ACSS3: variants seen among roughly 807,000 people sequenced by gnomAD.
The protein encoded by ACSS3 is acyl-CoA synthetase short chain family member 3.
ACSS3 carries 64 observed loss-of-function variants against 84.2 expected under a neutral mutation model. The observed-to-expected ratio is 0.76, with a 90% CI of 0.62 to 0.94. The LOEUF is 0.94. ACSS3 is among the 40% of genes least tolerant of loss of function. ACSS3 has a pLI of 0.00. For missense variants in ACSS3, 815 were observed against 867.6 expected, an observed-to-expected ratio of 0.94 and a Z score of 0.76; for synonymous variants, 317 against 310.1, an observed-to-expected ratio of 1.02 and a Z score of -0.23.
chr12:81,135,109 C>T (rs1048025964), intron 3 of ACSS3, 105 bp downstream of exon 3: 55 of 946,348 alleles, frequency 5.8e-5, no homozygotes, highest in Non-Finnish European at 7.1e-5. Flanking sequence ...TAGATCCTCC[C>T]TTCAAATAGG....
At chr12:81,148,897 TAA>T (rs397851051) in intron 5 of ACSS3, among the ~76,000 whole-genome samples, 3 of 81,820 alleles carry the variant, frequency 3.7e-5, no homozygotes, top group Admixed American at 1.6e-4. Flanking sequence ...CTGCCTCTAC[TAA>T]AAAAAAAAAA....
At chr12:81,235,245 T>C (rs1486446982) in intron 13 of ACSS3, among the ~76,000 whole-genome samples, 1 of 151,384 alleles carries the variant, frequency 6.6e-6, no homozygotes, top group Non-Finnish European at 1.5e-5. Context: ...GGAGTGGGTC[T>C]GTTTCTAGAA....
intron 1 of ACSS3, among the ~76,000 whole-genome samples, chr12:81,084,885 G>A (rs750842225): frequency 6.6e-6 from 1 of 152,184 alleles, no homozygotes; most frequent in Non-Finnish European, 1.5e-5. Context: ...GGTGAGATAA[G>A]GGCCAAAGCC....
chr12:81,099,669 G>T (rs1217004340), intron 1 of ACSS3, among the ~76,000 whole-genome samples: 1 of 152,118 alleles, frequency 6.6e-6, no homozygotes, highest in Non-Finnish European at 1.5e-5. Context: ...CAGATTAAAA[G>T]CTGTCCGTTA....
intron 2 of ACSS3, among the ~76,000 whole-genome samples, chr12:81,133,308 C>A (rs1244132576): frequency 6.6e-6 from 1 of 152,080 alleles, no homozygotes; most frequent in Non-Finnish European, 1.5e-5. Flanking sequence ...AATTTCTTCT[C>A]CCAAGCCTCC....
At chr12:81,157,594 G>T (rs935940199) in intron 7 of ACSS3, among the ~76,000 whole-genome samples, 1 of 152,252 alleles carries the variant, frequency 6.6e-6, no homozygotes, top group African/African-American at 2.4e-5. Flanking sequence ...AGATCATGAG[G>T]TCAGGAGTTC....
At chr12:81,200,421 G>A (rs1026127898) in intron 9 of ACSS3, among the ~76,000 whole-genome samples, 39 of 151,914 alleles carry the variant, frequency 2.6e-4, no homozygotes, top group Admixed American at 6.6e-5. Flanking sequence ...ATCAAATTTG[G>A]GTTAAAAATT....
intron 8 of ACSS3, among the ~76,000 whole-genome samples, chr12:81,178,484 AC>A (rs2030665708): frequency 6.6e-6 from 1 of 151,684 alleles, no homozygotes; most frequent in Non-Finnish European, 1.5e-5. Context: ...ATAAAAAAAA[AC>A]ATTTCTATAC....
Position 81,258,802 on chromosome 12 carries a change from T to C in ACSS3, c.*3880T>C. The C allele has an allele frequency of 6.6e-6, 1 of 152,134 alleles. No homozygotes were observed. The allele number at this position is 152,134 out of a possible 1,614,324, so 9.4% of individuals were successfully genotyped here. A position where few individuals can be genotyped will look rare whatever the true frequency, so the allele number is the denominator to read the frequency against. ...GTGGTTGACATTCACTGTCCAGTAC[T>C]GGCTGGCATTTCAAGATATTTGAAT... On this transcript the variant is annotated 3_prime_UTR_variant, in exon 16 of 16. Transcript: ENST00000548058.
At chr12:81,088,429 G>A (rs1452639876) in intron 1 of ACSS3, among the ~76,000 whole-genome samples, 1 of 151,948 alleles carries the variant, frequency 6.6e-6, no homozygotes. Context: ...ACATTGTCAG[G>A]TATATCATAA....
intron 13 of ACSS3, among the ~76,000 whole-genome samples, chr12:81,246,917 T>A (rs1296586320): frequency 6.6e-6 from 1 of 152,178 alleles, no homozygotes; most frequent in Non-Finnish European, 1.5e-5. Context: ...AACGTGCTTA[T>A]GTACCCCCGA....
Position 81,257,277 on chromosome 12 carries a change from A to ATGT in ACSS3, c.*2360_*2362dup, listed in dbSNP as rs1237185912. On this transcript the variant is annotated 3_prime_UTR_variant, in exon 16 of 16. Coordinates refer to ENST00000548058, the MANE Select transcript of ACSS3 (RefSeq NM_024560.4). ...CACTGGGGAATTGCAAGATCAAAGA[A>ATGT]TGTTGTTACTTTTATGTGATGAAAA... 1 of 152,174 alleles carries ATGT rather than the reference A, an allele frequency of 6.6e-6. No individual in the cohort carries two copies. Among genetic ancestry groups the ATGT allele is most frequent in the Non-Finnish European group, 1.5e-5 (1 of 68,040 alleles). The allele number at this position is 152,174 out of a possible 1,614,324, so 9.4% of individuals were successfully genotyped here.
chr12:81,235,954 C>CT (rs2033617473), intron 13 of ACSS3, among the ~76,000 whole-genome samples: 1 of 151,202 alleles, frequency 6.6e-6, no homozygotes, highest in Non-Finnish European at 1.5e-5. Context: ...AATCTGAATG[C>CT]TTTTTTTGGT....
chr12:81,213,957 C>CTCTTTCTTTCTCTTTCTT (rs2032783435), intron 9 of ACSS3, among the ~76,000 whole-genome samples: 2 of 49,112 alleles, frequency 4.1e-5, no homozygotes, highest in East Asian at 8.8e-4. Context: ...CTCCCTCTCT[C>CTCTTTCTTTCTCTTTCTT]TCTTTCTTTC....
Position 81,130,195 on chromosome 12 carries a change from C to T in ACSS3, c.457-4621C>T, listed in dbSNP as rs370584323. On this transcript the variant is annotated intron_variant, in intron 2 of 15. Transcript: ENST00000548058. ...TTCTAGTTCTAGATCCTTGAGGAATCGCCACACTGTCTTCCACAATGGTTG... is the reference window on the plus strand; with the variant it reads ...TTCTAGTTCTAGATCCTTGAGGAATTGCCACACTGTCTTCCACAATGGTTG... Among the ~76,000 whole-genome samples the T allele has an allele frequency of 7.1e-4, 106 of 148,676 alleles. 1 individual carries two copies. The highest frequency in any genetic ancestry group is 2.2e-3 in the African/African-American group (88 of 40,578).
At chr12:81,177,359 G>A (rs906947024) in intron 8 of ACSS3, among the ~76,000 whole-genome samples, 8 of 152,100 alleles carry the variant, frequency 5.3e-5, no homozygotes, top group Admixed American at 5.2e-4. Flanking sequence ...AAGGAAAAGA[G>A]GAAGTCAAAC....
intron 2 of ACSS3, among the ~76,000 whole-genome samples, chr12:81,120,152 A>T (rs932395263): frequency 2.6e-5 from 4 of 152,192 alleles, no homozygotes; most frequent in African/African-American, 2.4e-5. Flanking sequence ...CAAGAGGTGG[A>T]TTTGACATAG....
chr12:81,087,881 A>G (rs1881422115), intron 1 of ACSS3, among the ~76,000 whole-genome samples: 1 of 152,122 alleles, frequency 6.6e-6, no homozygotes, highest in South Asian at 2.1e-4. Context: ...AGTGGAGAAA[A>G]CAAACTGATT....
At chr12:81,187,920 G>A (rs889833689) in intron 8 of ACSS3, among the ~76,000 whole-genome samples, 2 of 151,868 alleles carry the variant, frequency 1.3e-5, no homozygotes, top group Admixed American at 6.6e-5. Flanking sequence ...ATATGAATGT[G>A]CCCAAATCTG....
Sources: allele counts gnomAD v4.1 joint callset (sites outside exome capture counted in the v4.1 genomes callset), GRCh38; gene constraint gnomAD v4.1.1; transcripts MANE v1.5; gene names NCBI Gene and HGNC (gene_info 2026-07-23, HGNC 2026-07-21).